Variants in ZHX3 observed in about 807,000 individuals in gnomAD.
ZHX3 encodes zinc fingers and homeoboxes 3.
ZHX3 carries 20 observed loss-of-function variants against 64.5 expected under a neutral mutation model. That is an observed-to-expected ratio of 0.31 (90% confidence interval 0.22 to 0.45). ZHX3 has a LOEUF of 0.45. ZHX3 is among the 20% of genes least tolerant of loss of function. The probability of loss-of-function intolerance (pLI) is 1.00; values close to 1 mark genes in which losing one functional copy is unlikely to be tolerated. For missense variants in ZHX3, 1,041 were observed against 1,195.8 expected (o/e 0.87, Z 1.91); for synonymous variants, 423 against 461.6 (o/e 0.92, Z 1.07).
chr20:41,249,999 C>A (rs1600504560), intron 2 of ZHX3, among the ~76,000 whole-genome samples: 1 of 152,144 alleles, frequency 6.6e-6, no homozygotes, highest in African/African-American at 2.4e-5. Flanking sequence ...GAAGCACCAA[C>A]AAGGGGGATA....
intron 2 of ZHX3, among the ~76,000 whole-genome samples, chr20:41,218,882 G>A (rs1438937521): frequency 6.6e-6 from 1 of 151,670 alleles, no homozygotes; most frequent in Non-Finnish European, 1.5e-5. Context: ...AAGGGCTCAA[G>A]GCTAGAGCTC....
At chr20:41,293,118 G>C (rs188066118) in intron 1 of ZHX3, among the ~76,000 whole-genome samples, 68 of 152,236 alleles carry the variant, frequency 4.5e-4, no homozygotes, top group African/African-American at 1.6e-3. Flanking sequence ...AAATACCAAA[G>C]GATTTGCTTT....
chr20:41,296,347 A>C (rs1441667467), intron 1 of ZHX3, among the ~76,000 whole-genome samples: 1 of 151,424 alleles, frequency 6.6e-6, no homozygotes, highest in African/African-American at 2.4e-5. Context: ...GGAATGGGCC[A>C]CAGAGAAAGT....
chr20:41,205,260 G>A (rs1384293808), intron 2 of ZHX3, among the ~76,000 whole-genome samples, 194 bp from the exon 3 acceptor site: 6 of 152,020 alleles, frequency 3.9e-5, no homozygotes, highest in Admixed American at 1.3e-4. Flanking sequence ...GAATGACCTG[G>A]GGATGGTCCA....
chr20:41,198,419 T>C (rs2037943780), intron 3 of ZHX3, among the ~76,000 whole-genome samples: 1 of 152,184 alleles, frequency 6.6e-6, no homozygotes, highest in African/African-American at 2.4e-5. Flanking sequence ...TATTTGGAAA[T>C]GTCTGGATTT....
intron 3 of ZHX3, among the ~76,000 whole-genome samples, chr20:41,189,791 T>C (rs566407882): frequency 8.3e-4 from 127 of 152,304 alleles, no homozygotes; most frequent in African/African-American, 3.0e-3. Flanking sequence ...GGACAATTTT[T>C]CTCTTTTCCA....
intron 1 of ZHX3, among the ~76,000 whole-genome samples, chr20:41,304,575 A>G (rs562573713): frequency 6.6e-6 from 1 of 152,368 alleles, no homozygotes; most frequent in Non-Finnish European, 1.5e-5. Flanking sequence ...ACAACTATAT[A>G]TATGTGTGTG....
chr20:41,315,478 C>T (rs1241219475), intron 1 of ZHX3, among the ~76,000 whole-genome samples: 1 of 148,758 alleles, frequency 6.7e-6, no homozygotes, highest in Non-Finnish European at 1.5e-5. Flanking sequence ...CAAGTGTAAG[C>T]TTGATGTTTT....
chr20:41,231,312 G>C (rs1374985873), intron 2 of ZHX3, among the ~76,000 whole-genome samples: 1 of 152,088 alleles, frequency 6.6e-6, no homozygotes, highest in East Asian at 1.9e-4. Flanking sequence ...GTTTTTCTCA[G>C]CATGGCATCT....
chr20:41,294,264 T>C (rs1029207420), intron 1 of ZHX3, among the ~76,000 whole-genome samples: 4 of 152,210 alleles, frequency 2.6e-5, no homozygotes, highest in Non-Finnish European at 5.9e-5. Flanking sequence ...TTTTTAAAAC[T>C]TAACAATTTA....
At chr20:41,260,956 C>A (rs1208724906) in intron 2 of ZHX3, among the ~76,000 whole-genome samples, 2 of 152,186 alleles carry the variant, frequency 1.3e-5, no homozygotes, top group Non-Finnish European at 2.9e-5. Context: ...TAAGAATGCA[C>A]AGGCAAATTG....
chr20:41,196,162 T>C (rs1265144294), intron 3 of ZHX3, among the ~76,000 whole-genome samples: 1 of 149,092 alleles, frequency 6.7e-6, no homozygotes, highest in Non-Finnish European at 1.5e-5. Context: ...CTGGTTTCTA[T>C]ATCCATTATC....
intron 2 of ZHX3, among the ~76,000 whole-genome samples, chr20:41,218,443 C>CTAAA (rs60949298): frequency 0.02 from 2,960 of 151,688 alleles, 32 homozygotes; most frequent in African/African-American, 0.04. Flanking sequence ...GACCCTGTCT[C>CTAAA]TAAATAAATA....
intron 1 of ZHX3, among the ~76,000 whole-genome samples, chr20:41,273,224 T>C (rs2043229288): frequency 6.6e-6 from 1 of 152,160 alleles, no homozygotes; most frequent in Non-Finnish European, 1.5e-5. Flanking sequence ...TTTAATTGGG[T>C]TATCTTTTCT....
chr20:41,209,342 T>C (rs1487339074), intron 2 of ZHX3, among the ~76,000 whole-genome samples: 2 of 152,262 alleles, frequency 1.3e-5, no homozygotes, highest in African/African-American at 4.8e-5. Context: ...AAAACTACTT[T>C]AAAGGTCATA....
At chr20:41,243,595 T>A (rs1479491464) in intron 2 of ZHX3, among the ~76,000 whole-genome samples, 3 of 152,166 alleles carry the variant, frequency 2.0e-5, no homozygotes, top group Non-Finnish European at 4.4e-5. Context: ...GATACCAGAC[T>A]GAATCTCCTG....
At chr20:41,281,523 G>A (rs974171783) in intron 1 of ZHX3, among the ~76,000 whole-genome samples, 1 of 152,168 alleles carries the variant, frequency 6.6e-6, no homozygotes, top group Non-Finnish European at 1.5e-5. Context: ...ATATAATGTA[G>A]AAAATTAATG....
intron 3 of ZHX3, among the ~76,000 whole-genome samples, chr20:41,197,892 A>C (rs2037877978): frequency 6.6e-6 from 1 of 152,102 alleles, no homozygotes; most frequent in Non-Finnish European, 1.5e-5. Context: ...TAATTTTTTA[A>C]TGAATTTGTC....
chr20:41,244,083 A>T (rs557019520), intron 2 of ZHX3, among the ~76,000 whole-genome samples: 24 of 152,242 alleles, frequency 1.6e-4, no homozygotes, highest in South Asian at 1.0e-3. Context: ...CAGGATATTT[A>T]GTAACATCCC....
Sources: allele counts gnomAD v4.1 joint callset (sites outside exome capture counted in the v4.1 genomes callset), GRCh38; gene constraint gnomAD v4.1.1; transcripts MANE v1.5; gene names NCBI Gene and HGNC (gene_info 2026-07-23, HGNC 2026-07-21).